Variants in AASDHPPT observed in about 807,000 individuals in gnomAD.
AASDHPPT encodes aminoadipate-semialdehyde dehydrogenase-phosphopantetheinyl transferase.
AASDHPPT carries 23 observed loss-of-function variants against 36.4 expected under a neutral mutation model. That is an observed-to-expected ratio of 0.63 (90% CI 0.45 to 0.89). AASDHPPT has a LOEUF of 0.89. AASDHPPT is among the 40% of genes least tolerant of loss of function. AASDHPPT has a pLI of 0.00. For missense variants in AASDHPPT, 377 were observed against 378.2 expected, an observed-to-expected ratio of 1.00 and a Z score of 0.03; for synonymous variants, 115 against 128.0, an observed-to-expected ratio of 0.90 and a Z score of 0.68.
In AASDHPPT at chr11:106,098,398, G is replaced by A. The variant is rs2135048480; in HGVS notation, c.*1491G>A. 1 of 152,152 alleles carries A rather than the reference G, an allele frequency of 6.6e-6. No individual in the cohort carries two copies. The highest frequency in any genetic ancestry group is 6.6e-5 in the Admixed American group (1 of 15,264). 9.4% of individuals were successfully genotyped at this position (152,152 alleles called of 1,614,324 possible). ...AATCTATTATGTGGTTGTAGTGCAT[G>A]TCTTGGAGTTAAACTCTTAAGTATC... On this transcript the variant is annotated 3_prime_UTR_variant, in exon 6 of 6. Transcript: ENST00000278618.
chr11:106,096,119 A>G (rs181876767), intron 5 of AASDHPPT, among the ~76,000 whole-genome samples: 104 of 152,270 alleles, frequency 6.8e-4, no homozygotes, highest in African/African-American at 2.3e-3. Context: ...CAACATAGCT[A>G]TGAGACCAGT....
intron 2 of AASDHPPT, among the ~76,000 whole-genome samples, chr11:106,086,562 A>ATC (rs1194342562): frequency 1.3e-5 from 2 of 152,166 alleles, no homozygotes; most frequent in Admixed American, 1.3e-4. Flanking sequence ...CAAAATTTAT[A>ATC]TCCATCTAAC....
rs1199983083 is a variant in AASDHPPT, at chr11:106,077,679, C to A, written c.-32C>A. ...CCACGTTTGCGTCCGCGCCATCAGG[C>A]CCGAGATAGCGGCGAGGTCCGCTTT... On this transcript the variant is annotated 5_prime_UTR_variant, in exon 1 of 6. Coordinates refer to ENST00000278618, the MANE Select transcript of AASDHPPT (RefSeq NM_015423.3). 2 of 1,599,694 alleles carry A rather than the reference C, an allele frequency of 1.3e-6. No individual in the cohort carries two copies. The highest frequency in any genetic ancestry group is 1.3e-5 in the African/African-American group (1 of 74,556).
chr11:106,090,380 T>A (rs920989538), intron 2 of AASDHPPT, among the ~76,000 whole-genome samples, 177 bp from the exon 3 acceptor site: 4 of 152,064 alleles, frequency 2.6e-5, no homozygotes, highest in African/African-American at 9.7e-5. Flanking sequence ...TTTACTCTTT[T>A]AATTTTCAAC....
chr11:106,077,732 T>C lies in AASDHPPT; in HGVS notation c.22T>C (p.Phe8Leu), dbSNP rs1247951549. Reference sequence around the variant, plus strand: ...GTGTATGGTTTTCCCTGCCAAACGGTTCTGCTTGGTGCCATCCATGGAGGG... The same window carrying C: ...GTGTATGGTTTTCCCTGCCAAACGGCTCTGCTTGGTGCCATCCATGGAGGG... MVFPAKR[F>L]CLVPSMEGVR... The change falls in exon 1 of 6, where the codon TTC becomes CTC. Residue 8 changes from phenylalanine to leucine, a missense_variant. Coordinates refer to ENST00000278618, the MANE Select transcript of AASDHPPT (RefSeq NM_015423.3). The C allele has an allele frequency of 1.9e-6, 3 of 1,613,924 alleles. No individual in the cohort carries two copies. Among genetic ancestry groups the C allele is most frequent in the East Asian group, 2.2e-5 (1 of 44,874 alleles).
rs568757221 is a variant in AASDHPPT, at chr11:106,079,876, C to T, written c.409+184C>T. Among the ~76,000 whole-genome samples, 7 of 152,164 alleles carry T rather than the reference C, an allele frequency of 4.6e-5. No homozygotes were observed. In the East Asian group the frequency reaches 1.2e-3, roughly 25 times the overall value. On this transcript the variant is annotated intron_variant, in intron 2 of 5. Transcript: ENST00000278618. ...GTATATTTCCATGAATATTTACAGA[C>T]TTACACATAAATAATAGATTATCCG... is the stretch of plus-strand genomic sequence containing the variant.
chr11:106,084,730 A>G (rs1459509745), intron 2 of AASDHPPT, among the ~76,000 whole-genome samples: 1 of 151,140 alleles, frequency 6.6e-6, no homozygotes, highest in Non-Finnish European at 1.5e-5. Context: ...CCTGGGTTCA[A>G]GCAATTCTTT....
Position 106,096,860 on chromosome 11 carries a change from T to G in AASDHPPT, c.883T>G (p.Phe295Val), listed in dbSNP as rs1398897763. Reference sequence around the variant, plus strand: ...TGAAGATCCTTCATTTTGGGACTGTTTTTGCTTCACAGAAGAAATTCCAAT... The same window carrying G: ...TGAAGATCCTTCATTTTGGGACTGTGTTTGCTTCACAGAAGAAATTCCAAT... ...TPEDPSFWDC[F>V]CFTEEIPIRN... Residue 295 changes from phenylalanine (F) to valine (V), a missense_variant, in exon 6 of 6, where the codon TTT becomes GTT. Phe to Val is a conservative substitution (Grantham distance 50, BLOSUM62 -1). Coordinates refer to ENST00000278618, the MANE Select transcript of AASDHPPT (RefSeq NM_015423.3). 2 of 1,611,134 alleles carry G rather than the reference T, an allele frequency of 1.2e-6. No homozygotes were observed. Among genetic ancestry groups the G allele is most frequent in the South Asian group, 2.2e-5 (2 of 90,498 alleles).
chr11:106,088,130 A>G (rs986607662), intron 2 of AASDHPPT, among the ~76,000 whole-genome samples: 2 of 152,166 alleles, frequency 1.3e-5, no homozygotes, highest in Non-Finnish European at 2.9e-5. Flanking sequence ...TCTAAAGTAT[A>G]TGAAAACGCA....
intron 2 of AASDHPPT, among the ~76,000 whole-genome samples, chr11:106,082,966 TGGGA>T (rs1861158829): frequency 6.6e-6 from 1 of 152,192 alleles, no homozygotes; most frequent in African/African-American, 2.4e-5. Flanking sequence ...GATTGAAATT[TGGGA>T]AAGGACCAGA....
chr11:106,083,265 C>G (rs1591543633), intron 2 of AASDHPPT, among the ~76,000 whole-genome samples: 1 of 152,190 alleles, frequency 6.6e-6, no homozygotes, highest in East Asian at 1.9e-4. Flanking sequence ...ATATTAGATG[C>G]CTAATAGGTA....
chr11:106,082,955 T>C (rs371420625), intron 2 of AASDHPPT, among the ~76,000 whole-genome samples: 3 of 152,332 alleles, frequency 2.0e-5, no homozygotes, highest in African/African-American at 7.2e-5. Context: ...ATAAAAATTA[T>C]GATTGAAATT....
At chr11:106,085,868 C>T (rs564605789) in intron 2 of AASDHPPT, 3 of 152,320 alleles carry the variant, frequency 2.0e-5, no homozygotes, top group African/African-American at 7.2e-5. Context: ...TTGAGTATCC[C>T]TAGTGGGAAA....
intron 1 of AASDHPPT, 99 bp downstream of exon 1, chr11:106,077,992 CCT>C: frequency 7.0e-7 from 1 of 1,422,592 alleles, no homozygotes; most frequent in South Asian, 1.4e-5. Flanking sequence ...TGGCCGCGAC[CCT>C]CTCGCTGTGG....
chr11:106,090,543 T>G lies in AASDHPPT; in HGVS notation c.410-14T>G. ...ATAGAACTGCTATTTAATTTTTTAT[T>G]TCTTAATTGGCAGGTCGTGGTTCAA... On this transcript the variant is annotated splice_polypyrimidine_tract_variant and intron_variant, in intron 2 of 5. Transcript: ENST00000278618. The G allele has an allele frequency of 6.4e-7, 1 of 1,558,992 alleles. No homozygotes were observed. Among genetic ancestry groups the G allele is most frequent in the Non-Finnish European group, 8.6e-7 (1 of 1,159,186 alleles).
chr11:106,096,241 AG>A (rs1383557411), intron 5 of AASDHPPT, among the ~76,000 whole-genome samples: 1 of 152,182 alleles, frequency 6.6e-6, no homozygotes, highest in African/African-American at 2.4e-5. Flanking sequence ...ATTGTGAACA[AG>A]GGCTCTATCT....
Position 106,094,565 on chromosome 11 carries a change from T to G in AASDHPPT, c.694-18T>G. On this transcript the variant is annotated intron_variant, in intron 4 of 5. Coordinates refer to ENST00000278618, the MANE Select transcript of AASDHPPT (RefSeq NM_015423.3). ...TACATATTTTATAATCTATATTTAT[T>G]TACCTTTTATCTTTCAGGAAAGCAA... 6.4e-7 allele frequency: 1 copy of G among 1,570,008 alleles called. No homozygotes were observed. The highest frequency in any genetic ancestry group is 8.6e-7 in the Non-Finnish European group (1 of 1,156,290).
chr11:106,093,086 A>T (rs1264595458), intron 4 of AASDHPPT: 1 of 152,210 alleles, frequency 6.6e-6, no homozygotes, highest in Non-Finnish European at 1.5e-5. Flanking sequence ...TAGTGTTGGT[A>T]TCCAAGGACA....
intron 2 of AASDHPPT, among the ~76,000 whole-genome samples, chr11:106,083,301 CGTAA>C (rs1384019251): frequency 2.6e-5 from 4 of 152,098 alleles, no homozygotes; most frequent in Non-Finnish European, 5.9e-5. Flanking sequence ...AAGACTAGTG[CGTAA>C]GTACTACTGT....
Sources: allele counts gnomAD v4.1 joint callset (sites outside exome capture counted in the v4.1 genomes callset), GRCh38; gene constraint gnomAD v4.1.1; transcripts MANE v1.5; gene names NCBI Gene and HGNC (gene_info 2026-07-23, HGNC 2026-07-21).